The following KDM5A variants were observed in gnomAD, a reference collection of about 807,000 sequenced individuals.
KDM5A encodes the protein lysine-specific demethylase 5A.
A neutral mutation model predicts 193.5 loss-of-function variants in KDM5A; 42 were observed. That is an observed-to-expected ratio of 0.22 (90% CI 0.17 to 0.28). KDM5A has a LOEUF of 0.28. Among genes scored for constraint, KDM5A ranks in the 10% least tolerant of loss-of-function variants. The pLI is 1.00. For synonymous variants in KDM5A, 796 were observed against 718.1 expected (o/e 1.11, Z -1.73); for missense variants, 1,692 against 2,055.1 (o/e 0.82, Z 3.42).
chr12:348,186 G>A (rs979104438), intron 10 of KDM5A, among the ~76,000 whole-genome samples: 4 of 152,210 alleles, frequency 2.6e-5, no homozygotes, highest in Non-Finnish European at 5.9e-5. Flanking sequence ...CTGGCCATCA[G>A]AGAAATGCAA....
intron 26 of KDM5A, among the ~76,000 whole-genome samples, chr12:294,290 AAGAAC>A (rs1438701735): frequency 1.3e-5 from 2 of 151,992 alleles, no homozygotes; most frequent in Non-Finnish European, 2.9e-5. Context: ...TAGTAACAGA[AAGAAC>A]AGGAGGAGGA....
intron 27 of KDM5A, among the ~76,000 whole-genome samples, chr12:290,718 A>G (rs946634493): frequency 7.8e-5 from 5 of 63,988 alleles, no homozygotes; most frequent in African/African-American, 4.3e-4. Context: ...ATAGCAAATG[A>G]AAAAAAAAAC....
chr12:377,214 A>G (rs1378920269), intron 3 of KDM5A, among the ~76,000 whole-genome samples: 1 of 152,198 alleles, frequency 6.6e-6, no homozygotes, highest in African/African-American at 2.4e-5. Context: ...AAGAGAAGGG[A>G]TGTTGAACTA....
chr12:352,385 C>T (rs1591927238), intron 8 of KDM5A, 61 bp from the exon 9 acceptor site: 1 of 1,436,572 alleles, frequency 7.0e-7, no homozygotes. Context: ...AGCTTTAAGG[C>T]TCTTAGTTAC....
intron 3 of KDM5A, among the ~76,000 whole-genome samples, chr12:367,364 A>G (rs1304564631): frequency 6.6e-6 from 1 of 151,018 alleles, no homozygotes; most frequent in African/African-American, 2.4e-5. Context: ...CATGCTGGAC[A>G]ATATAGTGAG....
At chr12:383,929 C>G (rs1203753971) in intron 3 of KDM5A, 102 bp downstream of exon 3, 7 of 1,290,184 alleles carry the variant, frequency 5.4e-6, no homozygotes, top group Non-Finnish European at 7.8e-6. Flanking sequence ...ATTTCATTGT[C>G]AAACAAATCC....
intron 3 of KDM5A, among the ~76,000 whole-genome samples, chr12:369,416 T>C (rs901814438): frequency 2.0e-5 from 3 of 152,150 alleles, no homozygotes; most frequent in Non-Finnish European, 4.4e-5. Flanking sequence ...ACAAAGATCT[T>C]TGTCCTCATG....
In KDM5A at chr12:328,095, T is replaced by C. The variant is rs149336385; in HGVS notation, c.1968+740A>G. ...TTAGGGGTGATAGATATATTCATTA[T>C]CTTGACTGCAGCAATGGTTTCATGG... On this transcript the variant is annotated intron_variant, in intron 14 of 27. Coordinates refer to ENST00000399788, the MANE Select transcript of KDM5A (RefSeq NM_001042603.3). 6.9e-3 allele frequency among the ~76,000 whole-genome samples: 1,054 copies of C among 152,350 alleles called. 7 individuals are homozygous for C. Among genetic ancestry groups the C allele is most frequent in the Admixed American group, 8.6e-3 (132 of 15,298 alleles).
chr12:337,246 G>A (rs1353325926), intron 10 of KDM5A, among the ~76,000 whole-genome samples: 3 of 152,204 alleles, frequency 2.0e-5, no homozygotes, highest in Admixed American at 1.3e-4. Context: ...TCAGCCTGTG[G>A]AACCTGTACA....
intron 10 of KDM5A, among the ~76,000 whole-genome samples, chr12:347,826 G>C (rs1379515218): frequency 6.6e-6 from 1 of 152,138 alleles, no homozygotes; most frequent in Non-Finnish European, 1.5e-5. Context: ...GAAAACCTAG[G>C]CAATACCATT....
intron 14 of KDM5A, among the ~76,000 whole-genome samples, chr12:325,443 G>T (rs1943770098): frequency 6.6e-6 from 1 of 152,180 alleles, no homozygotes; most frequent in Admixed American, 6.5e-5. Flanking sequence ...ACCACTTTGG[G>T]AGGCCGAGGT....
Position 322,554 on chromosome 12 carries a change from C to T in KDM5A, c.2289G>A (p.Leu763=). The stretch of plus-strand genomic sequence containing the variant: ...CCTCAGCATCTTCCAGCATTACTCG[C>T]AATTCAATCAAATCTGTAAAAATTT... ...NFNHKKDLIE[L]RVMLEDAEDR... Residue 763 remains leucine, a synonymous_variant, in exon 17 of 28, where the codon TTG becomes TTA. Transcript: ENST00000399788. 1 of 1,612,098 alleles carries T rather than the reference C, an allele frequency of 6.2e-7. No homozygotes were observed. The highest frequency in any genetic ancestry group is 8.5e-7 in the Non-Finnish European group (1 of 1,178,958).
chr12:347,642 G>A (rs1944095779), intron 10 of KDM5A, among the ~76,000 whole-genome samples: 1 of 152,082 alleles, frequency 6.6e-6, no homozygotes, highest in Admixed American at 6.6e-5. Flanking sequence ...TGACAAACCT[G>A]ACAAAAACAA....
intron 26 of KDM5A, among the ~76,000 whole-genome samples, chr12:293,788 A>AGGGGGG (rs34107168): frequency 2.4e-5 from 2 of 82,872 alleles, no homozygotes; most frequent in Non-Finnish European, 4.9e-5. Context: ...CAAAAAAAAA[A>AGGGGGG]GGGGGGGGGG....
At chr12:321,605 T>C (rs1943718069) in intron 17 of KDM5A, among the ~76,000 whole-genome samples, 2 of 152,142 alleles carry the variant, frequency 1.3e-5, no homozygotes. Flanking sequence ...TCTAACAAAA[T>C]GGTAAATAAA....
At chr12:294,162 A>C (rs1367228892) in intron 26 of KDM5A, among the ~76,000 whole-genome samples, 1 of 152,238 alleles carries the variant, frequency 6.6e-6, no homozygotes, top group Non-Finnish European at 1.5e-5. Flanking sequence ...CAAGGGCTAG[A>C]AAACAGTTCA....
At chr12:336,717 T>C (rs747607644) in intron 10 of KDM5A, among the ~76,000 whole-genome samples, 7 of 151,802 alleles carry the variant, frequency 4.6e-5, no homozygotes, top group Non-Finnish European at 5.9e-5. Flanking sequence ...GGTGCATGCC[T>C]GTGGCCCCAG....
chr12:359,139 T>C (rs1370452601), intron 5 of KDM5A, among the ~76,000 whole-genome samples: 1 of 151,970 alleles, frequency 6.6e-6, no homozygotes, highest in Non-Finnish European at 1.5e-5. Flanking sequence ...AGGAAAAAAC[T>C]AGAAGATAAA....
chr12:323,833 C>A (rs764304915), intron 14 of KDM5A, 52 bp from the exon 15 acceptor site: 21 of 1,485,634 alleles, frequency 1.4e-5, no homozygotes, highest in Non-Finnish European at 1.9e-5. Flanking sequence ...TTTAAAGCAT[C>A]AAAAAACTTA....
Sources: gnomAD v4.1 joint callset for allele counts (sites outside exome capture counted in the v4.1 genomes callset) on GRCh38, gnomAD v4.1.1 for gene constraint, MANE v1.5 for transcripts, NCBI Gene and HGNC (gene_info 2026-07-23, HGNC 2026-07-21) for gene names.